The following TNPO1 variants were observed in gnomAD, a reference collection of about 807,000 sequenced individuals.
TNPO1 encodes transportin 1, also known as transportin-1.
Under a neutral mutation model 119.5 loss-of-function variants are expected in TNPO1, and 8 were observed. That is an observed-to-expected ratio of 0.07 (90% CI 0.04 to 0.12). The LOEUF is 0.12. Ranked by LOEUF, TNPO1 falls within the 10% of genes least tolerant of loss-of-function variation. TNPO1 has a pLI of 1.00. For synonymous variants in TNPO1, 362 were observed against 363.0 expected, an observed-to-expected ratio of 1.00 and a Z score of 0.03; for missense variants, 576 against 1,089.8, an observed-to-expected ratio of 0.53 and a Z score of 6.64.
intron 19 of TNPO1, 80 bp from the exon 20 acceptor site, chr5:72,896,976 G>T: frequency 1.3e-6 from 1 of 743,340 alleles, no homozygotes; most frequent in South Asian, 3.1e-5. Context: ...GAGTTAATAC[G>T]GGAAGCAAAA....
chr5:72,889,475 CG>C (rs1748895782), intron 13 of TNPO1, among the ~76,000 whole-genome samples: 1 of 151,566 alleles, frequency 6.6e-6, no homozygotes, highest in South Asian at 2.1e-4. Context: ...TTCAGTACCT[CG>C]GTTTTTTTTT....
chr5:72,865,216 C>T (rs898780954), intron 5 of TNPO1, among the ~76,000 whole-genome samples: 2 of 151,780 alleles, frequency 1.3e-5, no homozygotes, highest in African/African-American at 2.4e-5. Context: ...CTGAGGCAGG[C>T]GGACCAGCTG....
chr5:72,891,505 T>C (rs1749053329), intron 14 of TNPO1, among the ~76,000 whole-genome samples: 1 of 152,092 alleles, frequency 6.6e-6, no homozygotes, highest in Non-Finnish European at 1.5e-5. Context: ...GATTGTGACT[T>C]TTTTAAGTAA....
At chr5:72,866,827 TAATA>T (rs1393446688) in intron 6 of TNPO1, among the ~76,000 whole-genome samples, 3 of 152,106 alleles carry the variant, frequency 2.0e-5, no homozygotes, top group African/African-American at 2.4e-5. Flanking sequence ...TATTAAATAT[TAATA>T]AATATTTTTT....
At position 72,865,702 on chromosome 5, in the gene TNPO1, T is replaced by G. The variant is rs1370584014; in HGVS notation, c.569T>G (p.Phe190Cys). The G allele has an allele frequency of 6.2e-7, 1 of 1,613,758 alleles. No individual in the cohort carries two copies. Among genetic ancestry groups the G allele is most frequent in the Non-Finnish European group, 8.5e-7 (1 of 1,179,894 alleles). ...ATCATGATTCCCAAATTTTTACAGT[T>G]CTTCAAGCATAGTAGTCCAAAAATA... Reference protein sequence around the residue: ...LNIMIPKFLQFFKHSSPKIRS... With the variant: ...LNIMIPKFLQCFKHSSPKIRS... Residue 190 changes from phenylalanine to cysteine, a missense_variant, in exon 6 of 25, where the codon TTC (phenylalanine) becomes TGC (cysteine). Physicochemically the swap from Phe to Cys is radical, Grantham distance 205. Coordinates refer to ENST00000337273, the MANE Select transcript of TNPO1 (RefSeq NM_002270.4).
chr5:72,868,283 T>C (rs1211923461), intron 6 of TNPO1, among the ~76,000 whole-genome samples: 1 of 151,610 alleles, frequency 6.6e-6, no homozygotes, highest in East Asian at 1.9e-4. Flanking sequence ...ATACAAAAAA[T>C]TAGCCGGGCA....
chr5:72,825,868 T>G (rs956846751), intron 1 of TNPO1: 1 of 152,250 alleles, frequency 6.6e-6, no homozygotes, highest in African/African-American at 2.4e-5. Flanking sequence ...ATTTATGGTA[T>G]TTTGTTATAG....
chr5:72,836,768 A>G lies in TNPO1; in HGVS notation c.16-11617A>G, dbSNP rs181843969. 1.1e-4 allele frequency among the ~76,000 whole-genome samples: 17 copies of G among 152,296 alleles called. No individual in the cohort carries two copies. In the East Asian group the frequency reaches 3.3e-3, roughly 29 times the overall value. On this transcript the variant is annotated intron_variant, in intron 1 of 24. Coordinates refer to ENST00000337273, the MANE Select transcript of TNPO1 (RefSeq NM_002270.4). ...ATAAGCAGTCAAGAGAAGCCATGCC[A>G]CACCTTGAACACTTTGCCAAATATC...
Position 72,908,874 on chromosome 5 carries a change from C to T in TNPO1, c.*201C>T, listed in dbSNP as rs759837808. 27 of 453,042 alleles carry T rather than the reference C, an allele frequency of 6.0e-5. No individual in the cohort carries two copies. The highest frequency in any genetic ancestry group is 8.9e-5 in the Non-Finnish European group (20 of 225,340). The allele number at this position is 453,042 out of a possible 1,614,324, so 28.1% of individuals were successfully genotyped here. A position where few individuals can be genotyped will look rare whatever the true frequency, so the allele number is the denominator to read the frequency against. On this transcript the variant is annotated 3_prime_UTR_variant, in exon 25 of 25. Transcript: ENST00000337273. ...ACTGTATTAAGTCGATGTTGGGAAA[C>T]GTTTTAACATCTGGAGCCTTTGTGG...
At chr5:72,897,481 G>T (rs1158276657) in intron 20 of TNPO1, among the ~76,000 whole-genome samples, 1 of 120,444 alleles carries the variant, frequency 8.3e-6, no homozygotes, top group Non-Finnish European at 1.9e-5. Flanking sequence ...CTGGGAGCTG[G>T]GAAGTAATTT....
In TNPO1 at chr5:72,824,915, C is replaced by T. The variant is rs146013460; in HGVS notation, c.15+8163C>T. Among the ~76,000 whole-genome samples, 4 of 152,304 alleles carry T rather than the reference C, an allele frequency of 2.6e-5. No individual in the cohort carries two copies. In the East Asian group the frequency reaches 5.8e-4, roughly 22 times the overall value. ...AAACTAAACTCCTAAACTTTCTCCC[C>T]AATGCCTGCTTTACCCACAGACTCT... On this transcript the variant is annotated intron_variant, in intron 1 of 24. Coordinates refer to ENST00000337273, the MANE Select transcript of TNPO1 (RefSeq NM_002270.4).
chr5:72,866,462 A>G (rs373105608), intron 6 of TNPO1, among the ~76,000 whole-genome samples: 12 of 152,208 alleles, frequency 7.9e-5, no homozygotes, highest in Admixed American at 5.9e-4. Context: ...ATTCTCAGTA[A>G]TAAAAAAACA....
chr5:72,871,873 A>C (rs549566663), intron 6 of TNPO1: 2 of 152,372 alleles, frequency 1.3e-5, no homozygotes, highest in South Asian at 4.1e-4. Flanking sequence ...AGCCAAATTT[A>C]GCCCATGACC....
At chr5:72,867,842 C>A (rs535616328) in intron 6 of TNPO1, among the ~76,000 whole-genome samples, 5 of 152,314 alleles carry the variant, frequency 3.3e-5, no homozygotes, top group South Asian at 4.1e-4. Flanking sequence ...CATTTTGACT[C>A]CTCTGTAATA....
rs547354501 is a variant in TNPO1 at position 72,816,720 on chromosome 5, G to A, written c.-18G>A. ...AGTGCCGCTTCGGCCGAAGGCCCGA[G>A]CGCCCGAGGCGTCTGGGATGGTGTG... On this transcript the variant is annotated 5_prime_UTR_variant, in exon 1 of 25. Transcript: ENST00000337273. 2.5e-6 allele frequency: 4 copies of A among 1,571,830 alleles called. No homozygotes were observed. The highest frequency in any genetic ancestry group is 3.4e-6 in the Non-Finnish European group (4 of 1,161,230).
intron 18 of TNPO1, among the ~76,000 whole-genome samples, chr5:72,895,689 T>G (rs1749379431): frequency 6.6e-6 from 1 of 152,200 alleles, no homozygotes; most frequent in Admixed American, 6.5e-5. Flanking sequence ...TGAAGATACT[T>G]ATATAGGGAG....
At chr5:72,832,507 A>C (rs1246959369) in intron 1 of TNPO1, among the ~76,000 whole-genome samples, 2 of 152,124 alleles carry the variant, frequency 1.3e-5, no homozygotes, top group Non-Finnish European at 2.9e-5. Context: ...TTCATCTGCT[A>C]TATTTGTCAA....
chr5:72,865,750 A>C (rs200715009), intron 6 of TNPO1, 21 bp downstream of exon 6: 27 of 1,604,166 alleles, frequency 1.7e-5, no homozygotes, highest in Non-Finnish European at 1.4e-5. Context: ...TGCCAGTACT[A>C]ATTGATTAAC....
At chr5:72,823,776 C>G (rs1302877542) in intron 1 of TNPO1, among the ~76,000 whole-genome samples, 4 of 152,098 alleles carry the variant, frequency 2.6e-5, no homozygotes, top group Non-Finnish European at 4.4e-5. Context: ...CCCTATGTAA[C>G]TGAGCATGGC....
Sources: allele counts gnomAD v4.1 joint callset (sites outside exome capture counted in the v4.1 genomes callset), GRCh38; gene constraint gnomAD v4.1.1; transcripts MANE v1.5; gene names NCBI Gene and HGNC (gene_info 2026-07-23, HGNC 2026-07-21).